LTF: variants seen among roughly 807,000 people sequenced by gnomAD.
LTF encodes the protein lactotransferrin.
A neutral mutation model predicts 87.2 loss-of-function variants in LTF; 91 were observed. That is an observed-to-expected ratio of 1.04 (90% confidence interval 0.88 to 1.24). LTF has a LOEUF of 1.24. Ranked by LOEUF, LTF falls within the 50% of genes most tolerant of loss-of-function variation. The pLI, the probability that LTF is intolerant of heterozygous loss-of-function variation, is 0.00. For missense variants in LTF, 901 were observed against 904.3 expected (o/e 1.00, Z 0.05); for synonymous variants, 378 against 356.1 (o/e 1.06, Z -0.69).
At chr3:46,444,165 C>CAG (rs1308324836) in intron 12 of LTF, among the ~76,000 whole-genome samples, 1 of 152,178 alleles carries the variant, frequency 6.6e-6, no homozygotes, top group Non-Finnish European at 1.5e-5. Context: ...ACATAGAATG[C>CAG]AGAAGCAGGG....
intron 1 of LTF, among the ~76,000 whole-genome samples, chr3:46,461,027 GAT>G (rs1703068159): frequency 6.6e-6 from 1 of 152,176 alleles, no homozygotes; most frequent in Non-Finnish European, 1.5e-5. Context: ...TACCAAAGAA[GAT>G]ATATGAATGG....
intron 14 of LTF, 55 bp downstream of exon 14, chr3:46,441,361 T>C: frequency 2.1e-6 from 3 of 1,398,286 alleles, no homozygotes; most frequent in Non-Finnish European, 3.0e-6. Flanking sequence ...CACTAAGATG[T>C]GTTGTGATGC....
chr3:46,480,407 G>A (rs1192379132), intron 1 of LTF, among the ~76,000 whole-genome samples: 2 of 152,146 alleles, frequency 1.3e-5, no homozygotes, highest in Non-Finnish European at 2.9e-5. Context: ...TGCCCATTGT[G>A]CCTGTGGTGA....
rs765044164 is a variant in LTF, at chr3:46,464,823, ACCGAGGGCC to A, written c.36_43+1del. 63 of 1,614,036 alleles carry A rather than the reference ACCGAGGGCC, an allele frequency of 3.9e-5. No individual in the cohort carries two copies. The African/African-American group carries it at 7.7e-4, about 20-fold the overall frequency. ...CTCGCGCCCCCAGGCACCTGCACTC[ACCGAGGGCC>A]CCGAGGAACAGCAGGACGAGGAAGA... On this transcript the variant is annotated splice_donor_variant and coding_sequence_variant, in exon 1 of 17. Transcript: ENST00000231751. LOFTEE classifies it high-confidence loss of function.
intron 1 of LTF, among the ~76,000 whole-genome samples, chr3:46,484,735 C>T (rs140209366): frequency 1.8e-4 from 28 of 152,328 alleles, no homozygotes; most frequent in African/African-American, 6.3e-4. Context: ...AAAATGAAGT[C>T]AGACATTCCC....
rs758134455 is a variant in LTF, at chr3:46,445,266, T to A, written c.1513+15A>T. The stretch of plus-strand genomic sequence containing the variant: ...TCCAGGGTGGCCCACCCACCGCACC[T>A]TTGGAACTCCTTACCAAATTTGCAG... On this transcript the variant is annotated intron_variant, in intron 12 of 16. Transcript: ENST00000231751. 3.4e-5 allele frequency: 55 copies of A among 1,602,050 alleles called. No homozygotes were observed. Among genetic ancestry groups the A allele is most frequent in the Non-Finnish European group, 4.3e-5 (51 of 1,173,582 alleles).
chr3:46,444,732 C>G (rs112267874), intron 12 of LTF, among the ~76,000 whole-genome samples: 2 of 152,338 alleles, frequency 1.3e-5, no homozygotes, highest in African/African-American at 4.8e-5. Flanking sequence ...ACACACCATG[C>G]CACGGGGCCC....
intron 6 of LTF, 44 bp from the exon 7 acceptor site, chr3:46,450,717 C>G (rs371661664): frequency 1.3e-6 from 2 of 1,515,152 alleles, no homozygotes; most frequent in South Asian, 1.1e-5. Context: ...TAAGCCGACT[C>G]CAGCAGTAAC....
intron 1 of LTF, among the ~76,000 whole-genome samples, chr3:46,464,552 A>G (rs1157627023): frequency 6.6e-6 from 1 of 152,212 alleles, no homozygotes; most frequent in Non-Finnish European, 1.5e-5. Flanking sequence ...CTTAGGCGGG[A>G]CACAAAGGGA....
intron 4 of LTF, 119 bp downstream of exon 4, chr3:46,455,677 A>G (rs1041676881): frequency 7.9e-7 from 1 of 1,265,738 alleles, no homozygotes; most frequent in Admixed American, 2.3e-5. Flanking sequence ...CAAGCTGGCC[A>G]GCCTCACCCC....
chr3:46,446,469 T>A lies in LTF; in HGVS notation c.1328A>T (p.Asp443Val). 1.2e-6 allele frequency: 2 copies of A among 1,614,026 alleles called. No homozygotes were observed. Among genetic ancestry groups the A allele is most frequent in the Non-Finnish European group, 1.7e-6 (2 of 1,179,938 alleles). ...CACAGGTCTATCCACACAGTTAGGA[T>A]CAGGGTCACTGCTTTGTTGGGATTC... ...NYKSQQSSDP[D>V]PNCVDRPVEG... The change falls in exon 11 of 17, where the codon GAT (aspartate) becomes GTT (valine). Residue 443 changes from aspartate to valine, a missense_variant. Transcript: ENST00000231751.
chr3:46,456,056 G>A lies in LTF; in HGVS notation c.317-78C>T, dbSNP rs533462901. 8.5e-5 allele frequency: 110 copies of A among 1,301,278 alleles called. 1 individual carries two copies. The South Asian group carries it at 1.4e-3, about 16-fold the overall frequency. The allele number at this position is 1,301,278 out of a possible 1,614,324, so 80.6% of individuals were successfully genotyped here. On this transcript the variant is annotated intron_variant, in intron 3 of 16. Coordinates refer to ENST00000231751, the MANE Select transcript of LTF (RefSeq NM_002343.6). ...AAACAACCCATCCTGAAAAGTCTCC[G>A]GTGGGAAGGGGGAATGCTGTGCTGC...
chr3:46,477,816 G>C (rs921462215), intron 1 of LTF, among the ~76,000 whole-genome samples: 5 of 152,146 alleles, frequency 3.3e-5, no homozygotes, highest in African/African-American at 1.2e-4. Context: ...ATGCATTTCT[G>C]GTCCCCGTTG....
At chr3:46,479,208 A>T (rs1703400691) in intron 1 of LTF, among the ~76,000 whole-genome samples, 1 of 152,190 alleles carries the variant, frequency 6.6e-6, no homozygotes, top group East Asian at 1.9e-4. Context: ...GCTCTGGAGG[A>T]GGGGCAGCCT....
intron 6 of LTF, among the ~76,000 whole-genome samples, chr3:46,453,707 G>C (rs1157280297): frequency 6.6e-6 from 1 of 152,178 alleles, no homozygotes; most frequent in Non-Finnish European, 1.5e-5. Flanking sequence ...CTCATCAACT[G>C]CTTTATTATA....
chr3:46,472,483 GATT>G (rs1462176151), intron 1 of LTF, among the ~76,000 whole-genome samples: 2 of 91,064 alleles, frequency 2.2e-5, no homozygotes, highest in Non-Finnish European at 4.2e-5. Flanking sequence ...TTTTGGAAAA[GATT>G]ATTGTGTGTG....
chr3:46,449,143 T>A (rs1702735291), intron 8 of LTF, 126 bp from the exon 9 acceptor site: 1 of 824,374 alleles, frequency 1.2e-6, no homozygotes, highest in Non-Finnish European at 1.8e-6. Flanking sequence ...TGTGGACATG[T>A]GGACCCATAC....
At chr3:46,469,342 A>G (rs1703254535), upstream of LTF, 1 of 152,312 alleles carries the variant, frequency 6.6e-6, no homozygotes, top group Admixed American at 6.5e-5. Context: ...GCACAAAGGG[A>G]ACCTGGCAAG....
At position 46,445,360 on chromosome 3, in the gene LTF, G is replaced by A; in HGVS notation, c.1434C>T (p.Cys478=). ...CTGCAGTCCTGTCCACGGCGGTGTG[G>A]CAGGACTTCTTGCCTTTCACAGAGT... The part of the protein sequence containing the change: ...TWNSVKGKKS[C]HTAVDRTAGW... Residue 478 remains cysteine, a synonymous_variant, in exon 12 of 17, where the codon TGC becomes TGT. Coordinates refer to ENST00000231751, the MANE Select transcript of LTF (RefSeq NM_002343.6). 2 of 1,613,670 alleles carry A rather than the reference G, an allele frequency of 1.2e-6. No individual in the cohort carries two copies. The highest frequency in any genetic ancestry group is 1.7e-6 in the Non-Finnish European group (2 of 1,179,588).
Sources: gnomAD v4.1 joint callset for allele counts (sites outside exome capture counted in the v4.1 genomes callset) on GRCh38, gnomAD v4.1.1 for gene constraint, MANE v1.5 for transcripts, NCBI Gene and HGNC (gene_info 2026-07-23, HGNC 2026-07-21) for gene names.